ZNF716: variants seen among roughly 807,000 people sequenced by gnomAD.
ZNF716 encodes the protein zinc finger protein 716.
Under a neutral mutation model 13.4 loss-of-function variants are expected in ZNF716, and 9 were observed. The ratio of observed to expected loss-of-function variants is 0.67; its 90% CI spans 0.41 to 1.18. ZNF716 has a LOEUF of 1.18. ZNF716 is among the 50% of genes most tolerant of loss of function. ZNF716 has a pLI of 0.01. For missense variants in ZNF716, 581 were observed against 576.6 expected (o/e 1.01, Z -0.08); for synonymous variants, 186 against 195.2 (o/e 0.95, Z 0.39).
Position 57,472,164 on chromosome 7 carries a change from G to A in ZNF716, c.*2215G>A, listed in dbSNP as rs1300956799. ...GATGCATAATGAAAATCTAAATGGA[G>A]AGGTTCTTTGTGGTTGACTTATAAC... On this transcript the variant is annotated 3_prime_UTR_variant, in exon 4 of 4. Transcript: ENST00000420713. 1.3e-5 allele frequency: 2 copies of A among 152,178 alleles called. No homozygotes were observed. The highest frequency in any genetic ancestry group is 4.8e-5 in the African/African-American group (2 of 41,440). 9.4% of individuals were successfully genotyped at this position (152,178 alleles called of 1,614,324 possible).
chr7:57,465,695 C>T (rs1562678277), intron 3 of ZNF716, among the ~76,000 whole-genome samples: 1 of 152,094 alleles, frequency 6.6e-6, no homozygotes, highest in African/African-American at 2.4e-5. Flanking sequence ...ACAGAATGCA[C>T]CAGGAGCAAA....
At chr7:57,467,214 TTTGA>T (rs1339243918) in intron 3 of ZNF716, among the ~76,000 whole-genome samples, 1 of 152,158 alleles carries the variant, frequency 6.6e-6, no homozygotes, top group Non-Finnish European at 1.5e-5. Context: ...TTTTATGTTT[TTTGA>T]TTATTTTTAT....
intron 1 of ZNF716, 139 bp from the exon 2 acceptor site, chr7:57,462,321 G>T: frequency 5.5e-6 from 5 of 907,834 alleles, no homozygotes; most frequent in Non-Finnish European, 6.9e-6. Flanking sequence ...AATAATTTTA[G>T]TCACTCTTAC....
At chr7:57,463,000 T>G in intron 2 of ZNF716, 73 bp from the exon 3 acceptor site, 1 of 1,560,554 alleles carries the variant, frequency 6.4e-7, no homozygotes, top group South Asian at 1.2e-5. Context: ...TCCTCTTTAC[T>G]AAGCATAATA....
intron 1 of ZNF716, among the ~76,000 whole-genome samples, chr7:57,455,227 G>A (rs1487722746): frequency 6.6e-6 from 1 of 152,164 alleles, no homozygotes; most frequent in Non-Finnish European, 1.5e-5. Context: ...CCTGAAGTCA[G>A]CATGTTCTTA....
intron 1 of ZNF716, among the ~76,000 whole-genome samples, chr7:57,454,754 G>T (rs1381377388): frequency 3.3e-5 from 5 of 152,146 alleles, no homozygotes; most frequent in African/African-American, 1.2e-4. Context: ...GCCGGGAGTG[G>T]TGGCTCATGC....
chr7:57,461,022 C>T (rs536344132), intron 1 of ZNF716, among the ~76,000 whole-genome samples: 1 of 151,746 alleles, frequency 6.6e-6, no homozygotes, highest in African/African-American at 2.4e-5. Context: ...GTAATCCCAG[C>T]ACTTTAGGAG....
At position 57,469,273 on chromosome 7, in the gene ZNF716, G is replaced by T. The variant is rs782210791; in HGVS notation, c.812G>T (p.Cys271Phe). 6.3e-7 allele frequency: 1 copy of T among 1,590,176 alleles called. No homozygotes were observed. Among genetic ancestry groups the T allele is most frequent in the Middle Eastern group, 1.7e-4 (1 of 5,970 alleles). ...RIHTGEKPYT[C>F]EERGKVFSRS... ...CATACTGGAGAGAAACCTTACACAT[G>T]TGAAGAACGTGGCAAAGTCTTTAGC... The change falls in exon 4 of 4, where the codon TGT becomes TTT. Residue 271 changes from cysteine to phenylalanine, a missense_variant. Cys to Phe is a radical substitution (Grantham distance 205, BLOSUM62 -2). Transcript: ENST00000420713.
At chr7:57,454,053 G>A (rs1439640008) in intron 1 of ZNF716, among the ~76,000 whole-genome samples, 3 of 152,094 alleles carry the variant, frequency 2.0e-5, no homozygotes, top group African/African-American at 4.8e-5. Flanking sequence ...GGCTGGTCTC[G>A]AACTCCTGAC....
chr7:57,462,620 A>G, intron 2 of ZNF716, 34 bp downstream of exon 2: 1 of 1,562,004 alleles, frequency 6.4e-7, no homozygotes, highest in Middle Eastern at 1.7e-4. Context: ...TTCCTAATAT[A>G]TTGCCTTTCT....
In ZNF716 at chr7:57,470,752, G is replaced by A. The variant is rs1260953587; in HGVS notation, c.*803G>A. 1 of 150,480 alleles carries A rather than the reference G, an allele frequency of 6.6e-6. No individual in the cohort carries two copies. The highest frequency in any genetic ancestry group is 2.4e-5 in the African/African-American group (1 of 41,014). 9.3% of individuals were successfully genotyped at this position (150,480 alleles called of 1,614,324 possible). A position where few individuals can be genotyped will look rare whatever the true frequency, so the allele number is the denominator to read the frequency against. Reference sequence around the variant, plus strand: ...AAAAAATGTGGCAAAGCTTTTAACTGGTTCTCCATCTTTATTAATTAAAAT... The same window carrying A: ...AAAAAATGTGGCAAAGCTTTTAACTAGTTCTCCATCTTTATTAATTAAAAT... On this transcript the variant is annotated 3_prime_UTR_variant, in exon 4 of 4. Coordinates refer to ENST00000420713, the MANE Select transcript of ZNF716 (RefSeq NM_001159279.1).
intron 3 of ZNF716, among the ~76,000 whole-genome samples, chr7:57,464,122 C>CTTTTTTTT: frequency 7.9e-6 from 1 of 125,852 alleles, no homozygotes; most frequent in East Asian, 2.4e-4. Context: ...TTTCTTTTTT[C>CTTTTTTTT]TTTTTTTTTT....
At chr7:57,465,543 T>C (rs1789790940) in intron 3 of ZNF716, among the ~76,000 whole-genome samples, 1 of 152,042 alleles carries the variant, frequency 6.6e-6, no homozygotes, top group Admixed American at 6.6e-5. Context: ...GTAAAGACGG[T>C]CTCACTGTGT....
chr7:57,454,097 T>G (rs528374458), intron 1 of ZNF716, among the ~76,000 whole-genome samples: 5 of 152,312 alleles, frequency 3.3e-5, no homozygotes, highest in African/African-American at 1.2e-4. Flanking sequence ...CCTCTCAAAT[T>G]GTTGGGATTA....
chr7:57,457,795 T>C (rs1789629839), intron 1 of ZNF716, among the ~76,000 whole-genome samples: 1 of 152,222 alleles, frequency 6.6e-6, no homozygotes, highest in Non-Finnish European at 1.5e-5. Context: ...TTTCTGGTTT[T>C]CTTCATCCTC....
At position 57,469,995 on chromosome 7, in the gene ZNF716, T is replaced by G; in HGVS notation, c.*46T>G. On this transcript the variant is annotated 3_prime_UTR_variant, in exon 4 of 4. Coordinates refer to ENST00000420713, the MANE Select transcript of ZNF716 (RefSeq NM_001159279.1). ...AGGCCTTATAATACATAAAATAATT[T>G]ATACTGGAAAAAATCACTACAAGTG... 6.8e-7 allele frequency: 1 copy of G among 1,462,462 alleles called. No individual in the cohort carries two copies. Among genetic ancestry groups the G allele is most frequent in the Admixed American group, 2.7e-5 (1 of 36,590 alleles). 90.6% of individuals were successfully genotyped at this position (1,462,462 alleles called of 1,614,324 possible). A position where few individuals can be genotyped will look rare whatever the true frequency, so the allele number is the denominator to read the frequency against.
At chr7:57,462,028 C>T (rs782514022) in intron 1 of ZNF716, among the ~76,000 whole-genome samples, 1 of 151,942 alleles carries the variant, frequency 6.6e-6, no homozygotes, top group Non-Finnish European at 1.5e-5. Flanking sequence ...GGCATGGTGG[C>T]TCATGCCTGT....
intron 1 of ZNF716, among the ~76,000 whole-genome samples, chr7:57,454,321 A>C: frequency 6.6e-6 from 1 of 152,234 alleles, no homozygotes; most frequent in East Asian, 1.9e-4. Flanking sequence ...TAAGCACCTT[A>C]AAAATTTTTC....
At chr7:57,461,853 A>G (rs1173228331) in intron 1 of ZNF716, among the ~76,000 whole-genome samples, 2 of 152,174 alleles carry the variant, frequency 1.3e-5, no homozygotes, top group Non-Finnish European at 2.9e-5. Flanking sequence ...TGACGTAAAT[A>G]TAGCACTCAA....
Sources: gnomAD v4.1 joint callset for allele counts (sites outside exome capture counted in the v4.1 genomes callset) on GRCh38, gnomAD v4.1.1 for gene constraint, MANE v1.5 for transcripts, NCBI Gene and HGNC (gene_info 2026-07-23, HGNC 2026-07-21) for gene names.